IL16: variants seen among roughly 807,000 people sequenced by gnomAD.
IL16 encodes the protein interleukin 16, also known as pro-interleukin-16.
IL16 carries 67 observed loss-of-function variants against 110.1 expected under a neutral mutation model. The observed-to-expected ratio is 0.61, with a 90% CI of 0.50 to 0.75. IL16 has a LOEUF of 0.75. Ranked by LOEUF, IL16 falls within the 30% of genes least tolerant of loss-of-function variation. The pLI is 0.00. For missense variants in IL16, 1,545 were observed against 1,655.0 expected, an observed-to-expected ratio of 0.93 and a Z score of 1.15; for synonymous variants, 689 against 662.9, an observed-to-expected ratio of 1.04 and a Z score of -0.61.
chr15:81,245,753 G>A (rs1454530940), intron 2 of IL16, among the ~76,000 whole-genome samples: 1 of 50,248 alleles, frequency 2.0e-5, no homozygotes, highest in South Asian at 5.1e-4. Context: ...TTTTTTGCCT[G>A]TACCTACTGG....
At position 81,306,521 on chromosome 15, in the gene IL16, C is replaced by G; in HGVS notation, c.3781C>G (p.Leu1261Val). Residue 1261 changes from leucine to valine, a missense_variant, in exon 18 of 19, where the codon CTC becomes GTC. By Grantham distance (32) the Leu-to-Val change is conservative. Coordinates refer to ENST00000683961, the MANE Select transcript of IL16 (RefSeq NM_172217.5). The stretch of plus-strand genomic sequence containing the variant: ...GGGCTCCCTACACGGAGACAAGCCT[C>G]TCACCATTAACAGGATTTTCAAAGG... ...GKGSLHGDKP[L>V]TINRIFKGAA... The G allele has an allele frequency of 3.1e-6, 5 of 1,613,646 alleles. No individual in the cohort carries two copies. In the South Asian group the frequency reaches 5.5e-5, roughly 18 times the overall value.
intron 5 of IL16, among the ~76,000 whole-genome samples, chr15:81,270,486 C>T (rs66935966): frequency 0.18 from 26,713 of 152,120 alleles, 2,575 homozygotes; most frequent in Middle Eastern, 0.25. Flanking sequence ...CATCTCCTGT[C>T]CCTTCTGTCT....
At chr15:81,205,396 C>T (rs1895980943) in intron 1 of IL16, among the ~76,000 whole-genome samples, 1 of 152,084 alleles carries the variant, frequency 6.6e-6, no homozygotes, top group Non-Finnish European at 1.5e-5. Context: ...TAGCACCTCA[C>T]CTCTTGCATA....
At chr15:81,231,834 A>G (rs1187359584) in intron 2 of IL16, among the ~76,000 whole-genome samples, 1 of 152,120 alleles carries the variant, frequency 6.6e-6, no homozygotes, top group Non-Finnish European at 1.5e-5. Flanking sequence ...AGTCAACACC[A>G]TTTTTTGGAA....
intron 1 of IL16, among the ~76,000 whole-genome samples, chr15:81,199,041 A>T (rs1248077191): frequency 2.3e-5 from 2 of 87,488 alleles, no homozygotes; most frequent in Non-Finnish European, 4.6e-5. Flanking sequence ...ATATATATAT[A>T]TATATATATA....
chr15:81,237,540 C>T (rs2142087374), intron 2 of IL16, among the ~76,000 whole-genome samples: 1 of 152,280 alleles, frequency 6.6e-6, no homozygotes, highest in Non-Finnish European at 1.5e-5. Flanking sequence ...ATGCCCTATA[C>T]ACCGGTGTGT....
intron 2 of IL16, among the ~76,000 whole-genome samples, chr15:81,226,666 T>C (rs1896798781): frequency 6.6e-6 from 1 of 152,186 alleles, no homozygotes; most frequent in African/African-American, 2.4e-5. Flanking sequence ...CCTTAAGGAC[T>C]CCACAGCATC....
At chr15:81,294,009 C>G (rs8038728) in intron 12 of IL16, among the ~76,000 whole-genome samples, 2,449 of 152,296 alleles carry the variant, frequency 0.016, 70 homozygotes, top group African/African-American at 0.057. Flanking sequence ...GAAGCTGTCT[C>G]CCCCATCACG....
At chr15:81,196,172 T>G (rs146957856), upstream of IL16, among the ~76,000 whole-genome samples, 966 of 152,298 alleles carry the variant, frequency 6.3e-3, 4 homozygotes, top group Non-Finnish European at 9.4e-3. Flanking sequence ...AGTCTGTTGT[T>G]TTTGGGAAAG....
At chr15:81,282,899 C>A (rs1006271212) in intron 9 of IL16, 143 bp downstream of exon 9, 9 of 759,638 alleles carry the variant, frequency 1.2e-5, no homozygotes, top group East Asian at 2.5e-5. Flanking sequence ...CGCCAGGACA[C>A]CCCCTGTTGT....
intron 1 of IL16, among the ~76,000 whole-genome samples, chr15:81,222,905 A>C (rs551273286): frequency 6.6e-6 from 1 of 152,214 alleles, no homozygotes; most frequent in Admixed American, 6.5e-5. Flanking sequence ...AGTTTTGGGA[A>C]GTGGAATTGG....
In IL16 at chr15:81,306,354, A is replaced by C; in HGVS notation, c.3680-66A>C. On this transcript the variant is annotated intron_variant, in intron 17 of 18. Coordinates refer to ENST00000683961, the MANE Select transcript of IL16 (RefSeq NM_172217.5). ...GGCTGTATCACCCCGGGCTCACTTG[A>C]AGCCCAGGGCATCTGTGGCCTGGGA... 1.9e-6 allele frequency: 3 copies of C among 1,594,390 alleles called. No homozygotes were observed. The South Asian group carries it at 3.4e-5, about 18-fold the overall frequency.
intron 4 of IL16, among the ~76,000 whole-genome samples, chr15:81,266,982 C>T (rs1898409957): frequency 6.6e-6 from 1 of 152,130 alleles, no homozygotes; most frequent in South Asian, 2.1e-4. Context: ...GTGTGGTGTC[C>T]TAGTGTTAGA....
At chr15:81,299,335 CTG>C in intron 13 of IL16, 43 bp from the exon 14 acceptor site, 1 of 1,604,034 alleles carries the variant, frequency 6.2e-7, no homozygotes, top group Non-Finnish European at 8.5e-7. Flanking sequence ...AGAAAAGTCA[CTG>C]TATGATGTAA....
intron 2 of IL16, among the ~76,000 whole-genome samples, chr15:81,257,801 A>G (rs980639592): frequency 1.3e-5 from 2 of 152,222 alleles, no homozygotes; most frequent in African/African-American, 4.8e-5. Flanking sequence ...GTTATAATAG[A>G]GTGTCAGTGT....
intron 6 of IL16, among the ~76,000 whole-genome samples, chr15:81,276,490 C>T (rs922037116): frequency 1.3e-5 from 2 of 152,180 alleles, no homozygotes; most frequent in African/African-American, 4.8e-5. Context: ...CCATGTGAGG[C>T]TCTGAGAACC....
upstream of IL16, among the ~76,000 whole-genome samples, chr15:81,196,453 C>T (rs368068382): frequency 4.6e-5 from 7 of 152,156 alleles, no homozygotes; most frequent in South Asian, 2.1e-4. Context: ...ATGGTTTGCC[C>T]GGGCTTGTCT....
At chr15:81,238,827 GTT>G (rs370588345) in intron 2 of IL16, among the ~76,000 whole-genome samples, 8 of 138,130 alleles carry the variant, frequency 5.8e-5, no homozygotes, top group Admixed American at 7.2e-5. Flanking sequence ...AATTCTTTTA[GTT>G]TTTTTTTTTT....
intron 1 of IL16, among the ~76,000 whole-genome samples, chr15:81,222,726 T>C (rs1255759334): frequency 2.1e-5 from 3 of 146,080 alleles, no homozygotes; most frequent in African/African-American, 7.9e-5. Flanking sequence ...GTGTTAGCTG[T>C]GACCAACACA....
Sources: gnomAD v4.1 joint callset for allele counts (sites outside exome capture counted in the v4.1 genomes callset) on GRCh38, gnomAD v4.1.1 for gene constraint, MANE v1.5 for transcripts, NCBI Gene and HGNC (gene_info 2026-07-23, HGNC 2026-07-21) for gene names.